The following TENT5A variants were observed in gnomAD, a reference collection of about 807,000 sequenced individuals.
The protein encoded by TENT5A is HBV X-transactivated gene 11 protein.
TENT5A carries 9 observed loss-of-function variants against 30.2 expected under a neutral mutation model. That is an observed-to-expected ratio of 0.30 (90% CI 0.18 to 0.52). The LOEUF (loss-of-function observed/expected upper bound fraction) is 0.52, where lower values mean the gene tolerates loss of function less well. Among genes scored for constraint, TENT5A ranks in the 20% least tolerant of loss-of-function variants. TENT5A has a pLI of 0.97. For synonymous variants in TENT5A, 264 were observed against 234.2 expected, an observed-to-expected ratio of 1.13 and a Z score of -1.16; for missense variants, 411 against 566.1, an observed-to-expected ratio of 0.73 and a Z score of 2.78.
chr6:81,750,874 A>C lies in TENT5A; in HGVS notation c.553-403T>G, dbSNP rs916736147. On this transcript the variant is annotated intron_variant, in intron 2 of 2. Coordinates refer to ENST00000320172, the MANE Select transcript of TENT5A (RefSeq NM_017633.3). This position sits in a 1 kb window ranked among gnomAD's most constrained non-coding sequence, Gnocchi z 4.2. ...TAGTCAGCCTCTCGCCCTTGTTCCAAGCCACCCAATTCCTCTCCGCCTGCG... is the reference window on the plus strand; with the variant it reads ...TAGTCAGCCTCTCGCCCTTGTTCCACGCCACCCAATTCCTCTCCGCCTGCG... Among the ~76,000 whole-genome samples the C allele has an allele frequency of 6.6e-6, 1 of 152,230 alleles. No individual in the cohort carries two copies. Among genetic ancestry groups the C allele is most frequent in the African/African-American group, 2.4e-5 (1 of 41,458 alleles).
Position 81,749,570 on chromosome 6 carries a change from C to CAT in TENT5A, c.*123_*124dup, listed in dbSNP as rs1768983521. Reference sequence around the variant, plus strand: ...GCTTTGCCAAACTTAAAACCAGGAGCATATCATCATTGCACAAAACACATC... The same window carrying CAT: ...GCTTTGCCAAACTTAAAACCAGGAGCATATATCATCATTGCACAAAACACATC... On this transcript the variant is annotated 3_prime_UTR_variant, in exon 3 of 3. Coordinates refer to ENST00000320172, the MANE Select transcript of TENT5A (RefSeq NM_017633.3). 4 of 1,427,822 alleles carry CAT rather than the reference C, an allele frequency of 2.8e-6. No individual in the cohort carries two copies. In the South Asian group the frequency reaches 6.4e-5, roughly 23 times the overall value. The allele number at this position is 1,427,822 out of a possible 1,614,324, so 88.4% of individuals were successfully genotyped here.
In TENT5A at chr6:81,750,158, C is replaced by T. The variant is rs781338532; in HGVS notation, c.866G>A (p.Arg289Gln). The T allele has an allele frequency of 6.2e-7, 1 of 1,613,894 alleles. No individual in the cohort carries two copies. The highest frequency in any genetic ancestry group is 1.7e-5 in the Admixed American group (1 of 59,990). The part of the protein sequence containing the change: ...IIATRNPEEI[R>Q]GGGLLKYCNL... ...GCAGTACTTAAGCAGGCCTCCCCCT[C>T]GGATTTCCTCTGGGTTCCTGGTGGC... The change falls in exon 3 of 3, where the codon CGA becomes CAA. Residue 289 changes from arginine to glutamine, a missense_variant. This residue lies in a region of TENT5A where 135 missense variants were observed against 240.0 expected (regional missense o/e 0.56). Transcript: ENST00000320172. The surrounding 1 kb of genome is among the most constrained non-coding windows in gnomAD (Gnocchi z 4.2).
chr6:81,747,244 A>T lies in TENT5A; in HGVS notation c.*2451T>A, dbSNP rs1768903602. The T allele has an allele frequency of 1.0e-6, 1 of 985,540 alleles. No homozygotes were observed. The highest frequency in any genetic ancestry group is 1.7e-5 in the African/African-American group (1 of 57,226). The allele number at this position is 985,540 out of a possible 1,614,324, so 61.0% of individuals were successfully genotyped here. A position where few individuals can be genotyped will look rare whatever the true frequency, so the allele number is the denominator to read the frequency against. Reference sequence around the variant, plus strand: ...AGTGCTCCCCTAGTTTTCTTTCAGAAAACTTTGAAACAACTAAGCAGGCGG... The same window carrying T: ...AGTGCTCCCCTAGTTTTCTTTCAGATAACTTTGAAACAACTAAGCAGGCGG... On this transcript the variant is annotated 3_prime_UTR_variant, in exon 3 of 3. Coordinates refer to ENST00000320172, the MANE Select transcript of TENT5A (RefSeq NM_017633.3).
chr6:81,752,368 C>A (rs768759726), intron 1 of TENT5A, 63 bp downstream of exon 1: 4 of 1,549,682 alleles, frequency 2.6e-6, no homozygotes, highest in Non-Finnish European at 8.7e-7. Context: ...CGCAGAGCAG[C>A]CCCGCACCAA....
In TENT5A at chr6:81,747,613, G is replaced by A; in HGVS notation, c.*2082C>T. On this transcript the variant is annotated 3_prime_UTR_variant, in exon 3 of 3. Transcript: ENST00000320172. The stretch of plus-strand genomic sequence containing the variant: ...CAAACAAATTATACTGCCAACAGGA[G>A]GATATTTTTTTCTCCCGTGGTCTCT... 1 of 985,590 alleles carries A rather than the reference G, an allele frequency of 1.0e-6. No homozygotes were observed. The highest frequency in any genetic ancestry group is 1.2e-6 in the Non-Finnish European group (1 of 829,850). The allele number at this position is 985,590 out of a possible 1,614,324, so 61.1% of individuals were successfully genotyped here.
Position 81,747,314 on chromosome 6 carries a change from T to G in TENT5A, c.*2381A>C, listed in dbSNP as rs1768906257. On this transcript the variant is annotated 3_prime_UTR_variant, in exon 3 of 3. Coordinates refer to ENST00000320172, the MANE Select transcript of TENT5A (RefSeq NM_017633.3). The stretch of plus-strand genomic sequence containing the variant: ...TGAGTGCCAGGCTTAATCTGCAAAC[T>G]GAACAATGTTTCCTGGGAAGTTGCA... 1.0e-6 allele frequency: 1 copy of G among 985,728 alleles called. No individual in the cohort carries two copies. 61.1% of individuals were successfully genotyped at this position (985,728 alleles called of 1,614,324 possible).
At position 81,750,505 on chromosome 6, in the gene TENT5A, C is replaced by T; in HGVS notation, c.553-34G>A. On this transcript the variant is annotated intron_variant, in intron 2 of 2. Transcript: ENST00000320172. The surrounding 1 kb of genome is among the most constrained non-coding windows in gnomAD (Gnocchi z 4.2). The stretch of plus-strand genomic sequence containing the variant: ...TAAAAGATAAAACAAAATGAGCAAA[C>T]CTAGAAAATAATAAATCAATAAATA... 8.0e-7 allele frequency: 1 copy of T among 1,254,108 alleles called. No individual in the cohort carries two copies. Among genetic ancestry groups the T allele is most frequent in the South Asian group, 1.5e-5 (1 of 65,330 alleles). The allele number at this position is 1,254,108 out of a possible 1,614,324, so 77.7% of individuals were successfully genotyped here.
In TENT5A at chr6:81,749,133, C is replaced by T. The variant is rs895007588; in HGVS notation, c.*562G>A. ...CTACTACTGTTCATTTGGAGCAAGC[C>T]GTTTGTTAGCAAAACAAGATCATTC... On this transcript the variant is annotated 3_prime_UTR_variant, in exon 3 of 3. Coordinates refer to ENST00000320172, the MANE Select transcript of TENT5A (RefSeq NM_017633.3). The T allele has an allele frequency of 5.7e-5, 56 of 985,774 alleles. No homozygotes were observed. The highest frequency in any genetic ancestry group is 6.5e-5 in the Non-Finnish European group (54 of 830,020). 61.1% of individuals were successfully genotyped at this position (985,774 alleles called of 1,614,324 possible). A position where few individuals can be genotyped will look rare whatever the true frequency, so the allele number is the denominator to read the frequency against.
rs2127726639 is a variant in TENT5A at position 81,750,800 on chromosome 6, A to G, written c.553-329T>C. The stretch of plus-strand genomic sequence containing the variant: ...GGTCTAATAGGCACAATATTCACAC[A>G]GTATCCAAACAACATTCAAAAGACT... On this transcript the variant is annotated intron_variant, in intron 2 of 2. Transcript: ENST00000320172. The surrounding 1 kb of genome is among the most constrained non-coding windows in gnomAD (Gnocchi z 4.2). Among the ~76,000 whole-genome samples, 1 of 152,360 alleles carries G rather than the reference A, an allele frequency of 6.6e-6. No homozygotes were observed. The highest frequency in any genetic ancestry group is 1.9e-4 in the East Asian group (1 of 5,182).
rs1329981282 is a variant in TENT5A at position 81,749,247 on chromosome 6, T to A, written c.*448A>T. The A allele has an allele frequency of 3.0e-6, 3 of 988,970 alleles. No individual in the cohort carries two copies. Among genetic ancestry groups the A allele is most frequent in the African/African-American group, 3.5e-5 (2 of 57,352 alleles). The allele number at this position is 988,970 out of a possible 1,614,324, so 61.3% of individuals were successfully genotyped here. A position where few individuals can be genotyped will look rare whatever the true frequency, so the allele number is the denominator to read the frequency against. ...GTATTGTTACTATTAATATCTGAAC[T>A]CCTAAACTGATTCACAAGTTGGAGT... On this transcript the variant is annotated 3_prime_UTR_variant, in exon 3 of 3. Coordinates refer to ENST00000320172, the MANE Select transcript of TENT5A (RefSeq NM_017633.3).
rs1226397498 is a variant in TENT5A, at chr6:81,752,478, CGA to C, written c.-87_-86del. ...GGAGCGCAGCGAGCGAGAGCGAAAC[CGA>C]GAGGCGGCAACACTTCCAGGAGCTG... is the stretch of plus-strand genomic sequence containing the variant. On this transcript the variant is annotated 5_prime_UTR_variant, in exon 1 of 3. Transcript: ENST00000320172. The C allele has an allele frequency of 6.5e-7, 1 of 1,542,144 alleles. No individual in the cohort carries two copies. The highest frequency in any genetic ancestry group is 8.8e-7 in the Non-Finnish European group (1 of 1,139,786).
chr6:81,748,452 A>T lies in TENT5A; in HGVS notation c.*1243T>A. 1.0e-6 allele frequency: 1 copy of T among 982,530 alleles called. No individual in the cohort carries two copies. Among genetic ancestry groups the T allele is most frequent in the Non-Finnish European group, 1.2e-6 (1 of 827,618 alleles). 60.9% of individuals were successfully genotyped at this position (982,530 alleles called of 1,614,324 possible). ...AATTTCTGCTCTTCCTATGAAATAT[A>T]TTACTTGGTTCCCTCCTTCATTTAA... On this transcript the variant is annotated 3_prime_UTR_variant, in exon 3 of 3. Coordinates refer to ENST00000320172, the MANE Select transcript of TENT5A (RefSeq NM_017633.3).
At position 81,745,823 on chromosome 6, in the gene TENT5A, C is replaced by G; in HGVS notation, c.*3872G>C. On this transcript the variant is annotated 3_prime_UTR_variant, in exon 3 of 3. Transcript: ENST00000320172. ...CAATCTGTTCCCTCTAGCACTGATT[C>G]AAACATGTCAGTTTTTTAGTCCATT... 1.0e-6 allele frequency: 1 copy of G among 985,868 alleles called. No homozygotes were observed. Among genetic ancestry groups the G allele is most frequent in the Non-Finnish European group, 1.2e-6 (1 of 829,910 alleles). 61.1% of individuals were successfully genotyped at this position (985,868 alleles called of 1,614,324 possible). A position where few individuals can be genotyped will look rare whatever the true frequency, so the allele number is the denominator to read the frequency against.
rs1354774197 is a variant in TENT5A at position 81,752,559 on chromosome 6, C to T, written c.-166G>A. 4 of 979,090 alleles carry T rather than the reference C, an allele frequency of 4.1e-6. No individual in the cohort carries two copies. The highest frequency in any genetic ancestry group is 5.2e-5 in the East Asian group (2 of 38,326). The allele number at this position is 979,090 out of a possible 1,614,324, so 60.7% of individuals were successfully genotyped here. A position where few individuals can be genotyped will look rare whatever the true frequency, so the allele number is the denominator to read the frequency against. On this transcript the variant is annotated 5_prime_UTR_variant, in exon 1 of 3. Transcript: ENST00000320172. ...TTCGTCTTTCCCAGACCCCTGCCGC[C>T]TGCGCTCACCACTCCCTCCCCGCGA... is the stretch of plus-strand genomic sequence containing the variant.
chr6:81,747,036 T>C lies in TENT5A; in HGVS notation c.*2659A>G. ...TAAGCAAGAAAAGAATATAAATATT[T>C]AAGAAAATAAATCAAAGTGTATTTC... On this transcript the variant is annotated 3_prime_UTR_variant, in exon 3 of 3. Transcript: ENST00000320172. The C allele has an allele frequency of 1.0e-6, 1 of 984,094 alleles. No homozygotes were observed. The highest frequency in any genetic ancestry group is 1.2e-6 in the Non-Finnish European group (1 of 828,720). 61.0% of individuals were successfully genotyped at this position (984,094 alleles called of 1,614,324 possible).
chr6:81,749,691 A>T lies in TENT5A; in HGVS notation c.*4T>A, dbSNP rs1392970894. 1.3e-6 allele frequency: 2 copies of T among 1,581,160 alleles called. No individual in the cohort carries two copies. The highest frequency in any genetic ancestry group is 1.7e-6 in the Non-Finnish European group (2 of 1,162,818). ...CTTCCCCACAGGACATTTTTAAATG[A>T]TTCTTAATTGCAGGGTAGCCAAGTG... On this transcript the variant is annotated 3_prime_UTR_variant, in exon 3 of 3. Transcript: ENST00000320172.
At position 81,747,420 on chromosome 6, in the gene TENT5A, G is replaced by A. The variant is rs1768909176; in HGVS notation, c.*2275C>T. Reference sequence around the variant, plus strand: ...GGAGGAGTTCCTTAGAAAACTGAGTGGCAGTGCAGCGGCTGTTGCAGCTCT... The same window carrying A: ...GGAGGAGTTCCTTAGAAAACTGAGTAGCAGTGCAGCGGCTGTTGCAGCTCT... On this transcript the variant is annotated 3_prime_UTR_variant, in exon 3 of 3. Transcript: ENST00000320172. 1.0e-6 allele frequency: 1 copy of A among 985,672 alleles called. No individual in the cohort carries two copies. Among genetic ancestry groups the A allele is most frequent in the Non-Finnish European group, 1.2e-6 (1 of 829,930 alleles). 61.1% of individuals were successfully genotyped at this position (985,672 alleles called of 1,614,324 possible).
rs1372625253 is a variant in TENT5A, at chr6:81,750,775, G to T, written c.553-304C>A. 1.3e-5 allele frequency among the ~76,000 whole-genome samples: 2 copies of T among 152,078 alleles called. No individual in the cohort carries two copies. The highest frequency in any genetic ancestry group is 2.9e-5 in the Non-Finnish European group (2 of 68,018). The stretch of plus-strand genomic sequence containing the variant: ...TTTTTAAGTGTTACTTTTTGAAAAC[G>T]GTCTAATAGGCACAATATTCACACA... On this transcript the variant is annotated intron_variant, in intron 2 of 2. Transcript: ENST00000320172. The surrounding 1 kb of genome is among the most constrained non-coding windows in gnomAD (Gnocchi z 4.2).
Position 81,747,413 on chromosome 6 carries a change from A to C in TENT5A, c.*2282T>G. On this transcript the variant is annotated 3_prime_UTR_variant, in exon 3 of 3. Transcript: ENST00000320172. ...GGTAGTAGGAGGAGTTCCTTAGAAA[A>C]CTGAGTGGCAGTGCAGCGGCTGTTG... 1 of 985,790 alleles carries C rather than the reference A, an allele frequency of 1.0e-6. No individual in the cohort carries two copies. Among genetic ancestry groups the C allele is most frequent in the South Asian group, 4.7e-5 (1 of 21,286 alleles). 61.1% of individuals were successfully genotyped at this position (985,790 alleles called of 1,614,324 possible).
Sources: gnomAD v4.1 joint callset for allele counts (sites outside exome capture counted in the v4.1 genomes callset) on GRCh38, gnomAD v4.1.1 for gene constraint, gnomAD v4.1.1 regional missense constraint, Gnocchi (gnomAD v3.1) non-coding constraint, MANE v1.5 for transcripts, NCBI Gene and HGNC (gene_info 2026-07-23, HGNC 2026-07-21) for gene names.